Variants in RCC1 observed in about 807,000 individuals in gnomAD.
RCC1 encodes the protein regulator of chromosome condensation.
RCC1 carries 11 observed loss-of-function variants against 44.4 expected under a neutral mutation model. The ratio of observed to expected loss-of-function variants is 0.25; its 90% CI spans 0.16 to 0.41. RCC1 has a LOEUF of 0.41. RCC1 is among the 10% of genes least tolerant of loss of function. The probability of loss-of-function intolerance (pLI) is 1.00; values close to 1 mark genes in which losing one functional copy is unlikely to be tolerated. For missense variants in RCC1, 386 were observed against 547.1 expected (o/e 0.71, Z 2.94); for synonymous variants, 213 against 216.5 (o/e 0.98, Z 0.14).
chr1:28,525,391 C>T (rs1024148248), intron 4 of RCC1, among the ~76,000 whole-genome samples: 2 of 152,140 alleles, frequency 1.3e-5, no homozygotes, highest in Admixed American at 6.5e-5. Flanking sequence ...AGTAGTAAAG[C>T]ACTATAAATA....
chr1:28,515,444 C>T (rs1451809147), intron 3 of RCC1, among the ~76,000 whole-genome samples: 1 of 150,854 alleles, frequency 6.6e-6, no homozygotes, highest in African/African-American at 2.4e-5. Flanking sequence ...GGGCTGGGCG[C>T]AGTAGTTCAC....
At chr1:28,532,500 T>C (rs573035865) in intron 7 of RCC1, 150 bp downstream of exon 7, 1 of 796,418 alleles carries the variant, frequency 1.3e-6, no homozygotes. Context: ...CCCAGGACTC[T>C]AGCTTCCTCA....
chr1:28,530,742 C>G, intron 5 of RCC1: 1 of 678,086 alleles, frequency 1.5e-6, no homozygotes. Context: ...CGCCTTTGGC[C>G]CACAGAGAGC....
chr1:28,529,897 TC>T lies in RCC1; in HGVS notation c.38del (p.Pro13GlnfsTer11), dbSNP rs746656171. 1.2e-6 allele frequency: 2 copies of T among 1,613,554 alleles called. No homozygotes were observed. Among genetic ancestry groups the T allele is most frequent in the Non-Finnish European group, 1.7e-6 (2 of 1,179,852 alleles). ...ACCCAAGCGCATAGCTAAAAGAAGG[TC>T]CCCCCCAGCAGATGCCATCCCCAAA... is the stretch of plus-strand genomic sequence containing the variant. MSPKRIAKRRSPPADAIPKSK... is the reference protein window; with the variant it reads MSPKRIAKRRXPPADAIPKSK... On this transcript the variant is annotated frameshift_variant, in exon 5 of 13. Transcript: ENST00000683442. LOFTEE classifies it high-confidence loss of function.
intron 4 of RCC1, among the ~76,000 whole-genome samples, chr1:28,524,063 C>T (rs1024610775): frequency 1.3e-5 from 2 of 152,242 alleles, no homozygotes; most frequent in East Asian, 3.8e-4. Flanking sequence ...GATCCACCCG[C>T]CTTGGCCTCC....
intron 2 of RCC1, 31 bp from the exon 3 acceptor site, chr1:28,508,799 A>T (rs373338716): frequency 2.7e-4 from 138 of 518,264 alleles, no homozygotes; most frequent in Non-Finnish European, 4.7e-4. Flanking sequence ...TAGGATCTTC[A>T]GGAGTCTAAT....
chr1:28,512,523 ATTTTC>A (rs1192761558), intron 3 of RCC1, among the ~76,000 whole-genome samples: 2 of 151,520 alleles, frequency 1.3e-5, no homozygotes, highest in African/African-American at 2.4e-5. Context: ...TATCTTTATT[ATTTTC>A]TTTGCTTATT....
intron 4 of RCC1, among the ~76,000 whole-genome samples, chr1:28,522,729 C>T (rs963570786): frequency 6.6e-5 from 10 of 151,688 alleles, no homozygotes; most frequent in African/African-American, 7.3e-5. Flanking sequence ...GCAGGAGGGT[C>T]GCTTGAGCCT....
At chr1:28,530,215 T>C (rs1351181370) in intron 5 of RCC1, among the ~76,000 whole-genome samples, 8 of 151,916 alleles carry the variant, frequency 5.3e-5, no homozygotes, top group Non-Finnish European at 8.8e-5. Context: ...TGATGCATTA[T>C]GGTTAGGACC....
intron 4 of RCC1, among the ~76,000 whole-genome samples, chr1:28,519,960 C>T (rs1663168010): frequency 6.6e-6 from 1 of 151,916 alleles, no homozygotes; most frequent in South Asian, 2.1e-4. Context: ...CAGCCTCCAC[C>T]TCCCGGGTTC....
rs1368066014 is a variant in RCC1 at position 28,508,155 on chromosome 1, T to C, written c.-234T>C. 2.0e-5 allele frequency: 9 copies of C among 445,634 alleles called. No homozygotes were observed. The highest frequency in any genetic ancestry group is 4.1e-5 in the Non-Finnish European group (9 of 218,786). 27.6% of individuals were successfully genotyped at this position (445,634 alleles called of 1,614,324 possible). On this transcript the variant is annotated 5_prime_UTR_variant, in exon 2 of 13. Transcript: ENST00000683442. Reference sequence around the variant, plus strand: ...TTTGTTAAGGATTCCAAGTAACTCTTATTTGGTGAGTAAATCTGCTAATTG... The same window carrying C: ...TTTGTTAAGGATTCCAAGTAACTCTCATTTGGTGAGTAAATCTGCTAATTG...
At chr1:28,507,590 G>A (rs1258355859) in intron 1 of RCC1, 1 of 480,922 alleles carries the variant, frequency 2.1e-6, no homozygotes, top group African/African-American at 2.1e-5. Context: ...CACTGAATCT[G>A]GATTGAAGTC....
Position 28,533,845 on chromosome 1 carries a change from C to CTTTTTTTTTTTTT in RCC1, c.442-1167_442-1155dup, listed in dbSNP as rs1168443435. Among the ~76,000 whole-genome samples the CTTTTTTTTTTTTT allele has an allele frequency of 8.7e-4, 41 of 46,874 alleles. 8 individuals carry two copies. The highest frequency in any genetic ancestry group is 1.1e-3 in the East Asian group (1 of 872). 30.8% of individuals were successfully genotyped at this position (46,874 alleles called of 152,430 possible). A position where few individuals can be genotyped will look rare whatever the true frequency, so the allele number is the denominator to read the frequency against. Reference sequence around the variant, plus strand: ...ATATTTTTTTCTTTTCTTTTCTTTTCTTTTTTTTTTTTTTTTTTTTTTTTT... The same window carrying CTTTTTTTTTTTTT: ...ATATTTTTTTCTTTTCTTTTCTTTTCTTTTTTTTTTTTTTTTTTTTTTTTTTTTTTTTTTTTTT... On this transcript the variant is annotated intron_variant, in intron 7 of 12. Coordinates refer to ENST00000683442, the MANE Select transcript of RCC1 (RefSeq NM_001381865.2).
At chr1:28,530,217 G>T (rs1000542908) in intron 5 of RCC1, among the ~76,000 whole-genome samples, 2 of 151,922 alleles carry the variant, frequency 1.3e-5, no homozygotes, top group African/African-American at 4.8e-5. Context: ...ATGCATTATG[G>T]TTAGGACCAC....
chr1:28,529,517 A>T (rs886583527), intron 4 of RCC1, among the ~76,000 whole-genome samples: 2 of 151,956 alleles, frequency 1.3e-5, no homozygotes, highest in Non-Finnish European at 2.9e-5. Context: ...TTACTTGGCA[A>T]TGGGGAACAT....
intron 12 of RCC1, 28 bp from the exon 13 acceptor site, chr1:28,537,804 C>G (rs771387894): frequency 1.3e-6 from 2 of 1,597,286 alleles, no homozygotes; most frequent in African/African-American, 2.7e-5. Flanking sequence ...ATCCTGGAGA[C>G]AGCTGTACCC....
At chr1:28,517,201 C>G (rs1662948193) in intron 4 of RCC1, among the ~76,000 whole-genome samples, 1 of 152,056 alleles carries the variant, frequency 6.6e-6, no homozygotes, top group South Asian at 2.1e-4. Flanking sequence ...TAGAATGACT[C>G]AGAGTCTGAA....
At chr1:28,507,273 C>T (rs1662034979) in intron 1 of RCC1, 3 of 483,872 alleles carry the variant, frequency 6.2e-6, no homozygotes, top group African/African-American at 2.0e-5. Flanking sequence ...AGGGTGGAAA[C>T]TCGTTTGCTT....
intron 4 of RCC1, among the ~76,000 whole-genome samples, chr1:28,521,499 CAG>C (rs1434646470): frequency 8.5e-6 from 1 of 117,424 alleles, no homozygotes. Context: ...GACTCCACCT[CAG>C]AAAAAAAAAA....
Sources: allele counts gnomAD v4.1 joint callset (sites outside exome capture counted in the v4.1 genomes callset), GRCh38; gene constraint gnomAD v4.1.1; transcripts MANE v1.5; gene names NCBI Gene and HGNC (gene_info 2026-07-23, HGNC 2026-07-21).